The following GAREM2 variants were observed in gnomAD, a reference collection of about 807,000 sequenced individuals.
The protein encoded by GAREM2 is GRB2-associated and regulator of MAPK protein 2.
In GAREM2, 30 loss-of-function variants were observed where a neutral mutation model predicts 55.6. That is an observed-to-expected ratio of 0.54 (90% CI 0.40 to 0.73). The LOEUF (loss-of-function observed/expected upper bound fraction) is 0.73, where lower values mean the gene tolerates loss of function less well. Ranked by LOEUF, GAREM2 falls within the 30% of genes least tolerant of loss-of-function variation. The pLI is 0.00. For synonymous variants in GAREM2, 550 were observed against 569.1 expected, an observed-to-expected ratio of 0.97 and a Z score of 0.48; for missense variants, 1,075 against 1,257.7, an observed-to-expected ratio of 0.85 and a Z score of 2.20.
intron 5 of GAREM2, 90 bp from the exon 6 acceptor site, chr2:26,187,141 G>T: frequency 7.3e-7 from 1 of 1,365,322 alleles, no homozygotes. Context: ...TGAGGTCATA[G>T]TGGTGCTTGG....
At chr2:26,201,258 T>C in the GAREM2 span, 1 of 1,612,150 alleles carries the variant, frequency 6.2e-7, no homozygotes, top group Non-Finnish European at 8.5e-7. Context: ...CCCAGTCAAG[T>C]TGCTGAAGAT....
rs1036447148 is a variant in GAREM2, at chr2:26,185,653, T to G, written c.1428+377T>G. Among the ~76,000 whole-genome samples, 8 of 152,254 alleles carry G rather than the reference T, an allele frequency of 5.3e-5. No individual in the cohort carries two copies. In the South Asian group the frequency reaches 1.7e-3, roughly 32 times the overall value. On this transcript the variant is annotated intron_variant, in intron 4 of 5. Coordinates refer to ENST00000401533, the MANE Select transcript of GAREM2 (RefSeq NM_001168241.2). The stretch of plus-strand genomic sequence containing the variant: ...ATGATTCCCAGCCCTTTTTCCCTCC[T>G]CATATTGGAGTCACAGAGCATTGGT...
rs1488829762 is a variant in GAREM2, at chr2:26,184,724, T to A, written c.876T>A (p.Val292=). 1.3e-6 allele frequency: 2 copies of A among 1,529,192 alleles called. No individual in the cohort carries two copies. The highest frequency in any genetic ancestry group is 4.0e-5 in the Admixed American group (2 of 49,846). 94.7% of individuals were successfully genotyped at this position (1,529,192 alleles called of 1,614,324 possible). A position where few individuals can be genotyped will look rare whatever the true frequency, so the allele number is the denominator to read the frequency against. ...GGGAGGGTCATTGCTACAAGCTGGT[T>A]AGCATCATCTCCAAGACGGTGGTGC... ...PVREGHCYKL[V]SIISKTVVLG... The change falls in exon 4 of 6, where the codon GTT becomes GTA. Residue 292 remains valine, a synonymous_variant. Coordinates refer to ENST00000401533, the MANE Select transcript of GAREM2 (RefSeq NM_001168241.2).
intron 5 of GAREM2, 138 bp from the exon 6 acceptor site, chr2:26,187,093 G>C: frequency 8.0e-7 from 1 of 1,242,748 alleles, no homozygotes; most frequent in East Asian, 3.2e-5. Flanking sequence ...CCATTCCGGA[G>C]GGTCTTGGGC....
intron 2 of GAREM2, chr2:26,182,293 A>G: frequency 6.9e-7 from 1 of 1,439,604 alleles, no homozygotes; most frequent in Non-Finnish European, 9.1e-7. Flanking sequence ...GCCTACTCTC[A>G]GGGAGGTGGC....
Position 26,187,472 on chromosome 2 carries a change from C to G in GAREM2, c.1840C>G (p.Leu614Val). The G allele has an allele frequency of 6.5e-7, 1 of 1,548,004 alleles. No homozygotes were observed. The highest frequency in any genetic ancestry group is 8.7e-7 in the Non-Finnish European group (1 of 1,145,348). The change falls in exon 6 of 6, where the codon CTA becomes GTA. Residue 614 changes from leucine to valine, a missense_variant. Leu to Val is a conservative substitution (Grantham distance 32). Around this residue, in one of 6 missense-constraint regions of GAREM2, gnomAD observed 515 missense variants for 501.5 expected, o/e 1.03. Coordinates refer to ENST00000401533, the MANE Select transcript of GAREM2 (RefSeq NM_001168241.2). ...PVKTYHSCPP[L>V]FKPSHPQKRF... The stretch of plus-strand genomic sequence containing the variant: ...TAAGACCTACCACAGCTGCCCTCCT[C>G]TATTCAAGCCCTCACATCCCCAGAA...
downstream of GAREM2, chr2:26,191,265 C>T (rs1430214161): frequency 1.2e-6 from 2 of 1,612,568 alleles, no homozygotes; most frequent in Non-Finnish European, 1.7e-6. Context: ...GGTAGAACTT[C>T]TTGTTAGGGC....
downstream of GAREM2, chr2:26,192,320 T>C (rs755891307): frequency 1.9e-6 from 3 of 1,566,624 alleles, no homozygotes; most frequent in Non-Finnish European, 2.6e-6. Context: ...ACTTCAGACT[T>C]AGGAGGCAGC....
chr2:26,187,776 A>AGC lies in GAREM2; in HGVS notation c.2145_2146dup (p.Leu716ArgfsTer59). On this transcript the variant is annotated frameshift_variant, in exon 6 of 6. Transcript: ENST00000401533. LOFTEE classifies it high-confidence loss of function. The stretch of plus-strand genomic sequence containing the variant: ...GGGCAGGGCAGTTCTCCAGAGCCTG[A>AGC]GCTGCTGCGTTCTCAGGAGCCCAGA... The AGC allele has an allele frequency of 6.9e-7, 1 of 1,446,542 alleles. No homozygotes were observed. Among genetic ancestry groups the AGC allele is most frequent in the Non-Finnish European group, 9.1e-7 (1 of 1,094,916 alleles). The allele number at this position is 1,446,542 out of a possible 1,614,324, so 89.6% of individuals were successfully genotyped here. A position where few individuals can be genotyped will look rare whatever the true frequency, so the allele number is the denominator to read the frequency against.
At chr2:26,180,091 T>G (rs1668994804) in intron 2 of GAREM2, among the ~76,000 whole-genome samples, 1 of 152,110 alleles carries the variant, frequency 6.6e-6, no homozygotes, top group South Asian at 2.1e-4. Context: ...TTCAGAGGCC[T>G]CTTCCCAGGA....
intron 1 of GAREM2, among the ~76,000 whole-genome samples, chr2:26,173,700 C>T (rs1286430148): frequency 6.7e-6 from 1 of 150,052 alleles, no homozygotes; most frequent in Non-Finnish European, 1.5e-5. Flanking sequence ...TTGTCCCTGG[C>T]CTCTCACCTC....
At chr2:26,173,449 C>A in intron 1 of GAREM2, 117 bp downstream of exon 1, 1 of 447,840 alleles carries the variant, frequency 2.2e-6, no homozygotes, top group Non-Finnish European at 3.4e-6. Flanking sequence ...AGCTCCCCGG[C>A]GTGGGCCCCG....
At chr2:26,176,309 T>TTCCCCTCA (rs147118036) in intron 1 of GAREM2, 35 bp from the exon 2 acceptor site, 24,572 of 1,488,198 alleles carry the variant, frequency 0.017, 853 homozygotes, top group South Asian at 0.1. Context: ...CCTGTCTTCC[T>TTCCCCTCA]TCCCCTCATC....
At chr2:26,195,367 T>G in the GAREM2 span, 1 of 814,864 alleles carries the variant, frequency 1.2e-6, no homozygotes. Flanking sequence ...AGCTGAGTGG[T>G]TTGGTTCCAT....
At position 26,184,532 on chromosome 2, in the gene GAREM2, C is replaced by A; in HGVS notation, c.684C>A (p.Ser228Arg). The change falls in exon 4 of 6, where the codon AGC (serine) becomes AGA (arginine). Residue 228 changes from serine to arginine, a missense_variant. Ser to Arg is a moderately radical substitution (Grantham distance 110). Coordinates refer to ENST00000401533, the MANE Select transcript of GAREM2 (RefSeq NM_001168241.2). ...ACCACCGCACCAACGAAAGCCTGAG[C>A]CTGCCCTTTCAGTGCCAGGGCCGCT... ...CMNHRTNESL[S>R]LPFQCQGRFS... is the part of the protein sequence containing the mutation. 1 of 1,547,520 alleles carries A rather than the reference C, an allele frequency of 6.5e-7. No individual in the cohort carries two copies. Among genetic ancestry groups the A allele is most frequent in the Non-Finnish European group, 8.7e-7 (1 of 1,145,760 alleles).
rs1380070301 is a variant in GAREM2 at position 26,187,653 on chromosome 2, C to T, written c.2021C>T (p.Ala674Val). The T allele has an allele frequency of 3.2e-6, 5 of 1,539,970 alleles. No homozygotes were observed. Among genetic ancestry groups the T allele is most frequent in the Non-Finnish European group, 2.6e-6 (3 of 1,141,138 alleles). ...YSPGPASPGQAYSAAPPSSCA... is the reference protein window; with the variant it reads ...YSPGPASPGQVYSAAPPSSCA... ...CCAGGCCCAGCCTCGCCAGGCCAGGCCTATTCAGCTGCTCCCCCCTCCTCC... is the reference window on the plus strand; with the variant it reads ...CCAGGCCCAGCCTCGCCAGGCCAGGTCTATTCAGCTGCTCCCCCCTCCTCC... Residue 674 changes from alanine (A) to valine (V), a missense_variant, in exon 6 of 6, where the codon GCC (alanine) becomes GTC (valine). By Grantham distance (64) the Ala-to-Val change is moderately conservative. Around this residue, in one of 6 missense-constraint regions of GAREM2, gnomAD observed 515 missense variants for 501.5 expected, o/e 1.03. Transcript: ENST00000401533.
At chr2:26,180,942 G>A in intron 2 of GAREM2, 15 of 985,452 alleles carry the variant, frequency 1.5e-5, no homozygotes, top group Non-Finnish European at 1.8e-5. Flanking sequence ...TGACCAGGCT[G>A]GTGGCCTGAG....
At chr2:26,202,073 A>T in the GAREM2 span, among the ~76,000 whole-genome samples, 1 of 151,694 alleles carries the variant, frequency 6.6e-6, no homozygotes, top group East Asian at 1.9e-4. Flanking sequence ...TGTTGGGATT[A>T]TAGGCGTGAG....
chr2:26,203,470 T>G, the GAREM2 span, among the ~76,000 whole-genome samples: 1 of 152,132 alleles, frequency 6.6e-6, no homozygotes, highest in African/African-American at 2.4e-5. Flanking sequence ...GGGAATAATA[T>G]TCCCCCTTTA....
Sources: allele counts gnomAD v4.1 joint callset (sites outside exome capture counted in the v4.1 genomes callset), GRCh38; gene constraint gnomAD v4.1.1; regional missense constraint gnomAD v4.1.1; transcripts MANE v1.5; gene names NCBI Gene and HGNC (gene_info 2026-07-23, HGNC 2026-07-21).